SH3GL3: variants seen among roughly 807,000 people sequenced by gnomAD.
SH3GL3 encodes endophilin-A3.
In SH3GL3, 33 loss-of-function variants were observed where a neutral mutation model predicts 47.7. That is an observed-to-expected ratio of 0.69 (90% CI 0.52 to 0.92). The LOEUF (loss-of-function observed/expected upper bound fraction) is 0.92, where lower values mean the gene tolerates loss of function less well. Ranked by LOEUF, SH3GL3 falls within the 40% of genes least tolerant of loss-of-function variation. The pLI is 0.00. For missense variants in SH3GL3, 363 were observed against 417.8 expected, an observed-to-expected ratio of 0.87 and a Z score of 1.14; for synonymous variants, 155 against 148.8, an observed-to-expected ratio of 1.04 and a Z score of -0.30.
chr15:83,518,646 G>T (rs2043088050), intron 1 of SH3GL3, among the ~76,000 whole-genome samples: 1 of 152,162 alleles, frequency 6.6e-6, no homozygotes, highest in Non-Finnish European at 1.5e-5. Flanking sequence ...TTAGACCTTT[G>T]TTGGATGCAT....
chr15:83,500,715 A>G (rs577884756), intron 1 of SH3GL3, among the ~76,000 whole-genome samples: 3 of 152,330 alleles, frequency 2.0e-5, no homozygotes, highest in African/African-American at 7.2e-5. Flanking sequence ...TCTGAGGTGC[A>G]GTTTCTTCTT....
At chr15:83,468,608 T>C (rs751212973) in intron 1 of SH3GL3, among the ~76,000 whole-genome samples, 17 of 152,236 alleles carry the variant, frequency 1.1e-4, no homozygotes, top group Non-Finnish European at 1.9e-4. Flanking sequence ...TCAGTTGATA[T>C]GATCATGTAA....
At chr15:83,467,081 T>C (rs925316904) in intron 1 of SH3GL3, among the ~76,000 whole-genome samples, 4 of 152,252 alleles carry the variant, frequency 2.6e-5, no homozygotes, top group African/African-American at 7.2e-5. Context: ...TCTCCACATA[T>C]GGATCATACT....
At chr15:83,580,716 G>A (rs2059808021) in intron 6 of SH3GL3, among the ~76,000 whole-genome samples, 1 of 152,196 alleles carries the variant, frequency 6.6e-6, no homozygotes, top group African/African-American at 2.4e-5. Context: ...TTCGGTGGAT[G>A]ACAGCCAGCT....
intron 1 of SH3GL3, chr15:83,490,787 G>T: frequency 4.3e-6 from 7 of 1,612,880 alleles, no homozygotes; most frequent in Non-Finnish European, 5.9e-6. Flanking sequence ...TTCCCAATGA[G>T]CAGTGTCATA....
intron 8 of SH3GL3, among the ~76,000 whole-genome samples, chr15:83,599,261 T>G (rs561480433): frequency 1.1e-4 from 17 of 152,170 alleles, no homozygotes; most frequent in Non-Finnish European, 2.5e-4. Flanking sequence ...AGTAAGCTGT[T>G]TAGTGGTGAT....
chr15:83,575,601 G>A (rs1231727209), intron 5 of SH3GL3, among the ~76,000 whole-genome samples: 1 of 152,170 alleles, frequency 6.6e-6, no homozygotes, highest in African/African-American at 2.4e-5. Context: ...ACTTTCAGGT[G>A]TTCATGTAGA....
chr15:83,577,750 T>A (rs2059721718), intron 6 of SH3GL3, among the ~76,000 whole-genome samples: 1 of 152,164 alleles, frequency 6.6e-6, no homozygotes, highest in Non-Finnish European at 1.5e-5. Flanking sequence ...CTTCAGAGGT[T>A]GTCTCTGAAG....
At chr15:83,583,944 A>G (rs1211628502) in intron 6 of SH3GL3, among the ~76,000 whole-genome samples, 1 of 152,066 alleles carries the variant, frequency 6.6e-6, no homozygotes, top group Non-Finnish European at 1.5e-5. Context: ...CACTAATCTC[A>G]TTGTTAGGTT....
chr15:83,514,612 T>C (rs2042905911), intron 1 of SH3GL3, among the ~76,000 whole-genome samples: 1 of 152,204 alleles, frequency 6.6e-6, no homozygotes, highest in Non-Finnish European at 1.5e-5. Context: ...AGCAAATTCT[T>C]TGAATTCTTA....
intron 8 of SH3GL3, among the ~76,000 whole-genome samples, chr15:83,602,556 C>T (rs1230580367): frequency 6.6e-6 from 1 of 152,188 alleles, no homozygotes; most frequent in Non-Finnish European, 1.5e-5. Context: ...CACTAATTCT[C>T]ATGACCTAAT....
chr15:83,525,903 C>T (rs542249093), intron 1 of SH3GL3, among the ~76,000 whole-genome samples: 4 of 152,034 alleles, frequency 2.6e-5, no homozygotes, highest in Non-Finnish European at 5.9e-5. Context: ...ATGCTGATAC[C>T]GTGATGCTTT....
chr15:83,582,277 G>A (rs1165054826), intron 6 of SH3GL3, among the ~76,000 whole-genome samples: 2 of 152,174 alleles, frequency 1.3e-5, no homozygotes, highest in Admixed American at 6.5e-5. Context: ...GTGAGTCCAG[G>A]CACCTGCAGT....
chr15:83,521,313 G>C (rs946136296), intron 1 of SH3GL3, among the ~76,000 whole-genome samples: 20 of 152,136 alleles, frequency 1.3e-4, no homozygotes, highest in African/African-American at 3.9e-4. Flanking sequence ...TTTCATACAG[G>C]GATCTGGCTA....
intron 1 of SH3GL3, among the ~76,000 whole-genome samples, chr15:83,547,307 G>C (rs1449377898): frequency 6.7e-6 from 1 of 148,684 alleles, no homozygotes; most frequent in Non-Finnish European, 1.5e-5. Flanking sequence ...AAGCCAGTGG[G>C]AAACACTAGG....
intron 1 of SH3GL3, among the ~76,000 whole-genome samples, chr15:83,514,913 A>G (rs1020052305): frequency 1.3e-5 from 2 of 152,132 alleles, no homozygotes; most frequent in Non-Finnish European, 2.9e-5. Context: ...GATAACTTAT[A>G]TGAGAAGGCA....
intron 2 of SH3GL3, among the ~76,000 whole-genome samples, chr15:83,562,235 T>C (rs1317402113): frequency 6.6e-6 from 1 of 152,186 alleles, no homozygotes; most frequent in South Asian, 2.1e-4. Context: ...ATTTCTAGTT[T>C]TGATGCTTGG....
intron 1 of SH3GL3, among the ~76,000 whole-genome samples, chr15:83,473,379 G>A (rs1030339569): frequency 6.6e-6 from 1 of 151,928 alleles, no homozygotes; most frequent in Non-Finnish European, 1.5e-5. Context: ...CTTTGCTGGT[G>A]TGGATAAGGG....
At chr15:83,608,752 C>G (rs2060591953) in intron 8 of SH3GL3, among the ~76,000 whole-genome samples, 1 of 151,192 alleles carries the variant, frequency 6.6e-6, no homozygotes, top group African/African-American at 2.4e-5. Context: ...CCCCACTCCC[C>G]CCGCCCGCCC....
Sources: gnomAD v4.1 joint callset for allele counts (sites outside exome capture counted in the v4.1 genomes callset) on GRCh38, gnomAD v4.1.1 for gene constraint, MANE v1.5 for transcripts, NCBI Gene and HGNC (gene_info 2026-07-23, HGNC 2026-07-21) for gene names.